The following STK40 variants were observed in gnomAD, a reference collection of about 807,000 sequenced individuals.
STK40 encodes serine/threonine kinase 40.
In STK40, 13 loss-of-function variants were observed where a neutral mutation model predicts 47.9. The observed-to-expected ratio is 0.27, with a 90% CI of 0.18 to 0.43. The LOEUF is 0.43. Among genes scored for constraint, STK40 ranks in the 20% least tolerant of loss-of-function variants. The pLI, the probability that STK40 is intolerant of heterozygous loss-of-function variation, is 1.00. For missense variants in STK40, 460 were observed against 595.1 expected (o/e 0.77, Z 2.36); for synonymous variants, 225 against 243.2 (o/e 0.93, Z 0.69).
chr1:36,341,440 G>C lies in STK40; in HGVS notation c.*315C>G. 1 of 303,218 alleles carries C rather than the reference G, an allele frequency of 3.3e-6. No individual in the cohort carries two copies. The allele number at this position is 303,218 out of a possible 1,614,324, so 18.8% of individuals were successfully genotyped here. On this transcript the variant is annotated 3_prime_UTR_variant, in exon 11 of 11. Transcript: ENST00000373132. ...GAAGGCCCTGGAGTGGGGTGAGCAGGCTCCCTCCTCCCTCTTGCTCAGTCC... is the reference window on the plus strand; with the variant it reads ...GAAGGCCCTGGAGTGGGGTGAGCAGCCTCCCTCCTCCCTCTTGCTCAGTCC...
chr1:36,359,275 G>A (rs1646831849), intron 2 of STK40, among the ~76,000 whole-genome samples: 2 of 152,038 alleles, frequency 1.3e-5, no homozygotes, highest in Non-Finnish European at 2.9e-5. Context: ...GCATGGTGGA[G>A]CATACCTGTA....
At position 36,358,747 on chromosome 1, in the gene STK40, T is replaced by A. The variant is rs139830713; in HGVS notation, c.188A>T (p.Tyr63Phe). The A allele has an allele frequency of 6.2e-7, 1 of 1,614,130 alleles. No individual in the cohort carries two copies. Among genetic ancestry groups the A allele is most frequent in the Non-Finnish European group, 8.5e-7 (1 of 1,179,988 alleles). ...CCATGTCTCACTTACCTTCAGCTGA[T>A]AGAAGTCATCCGTGCCATCTTTCCT... is the stretch of plus-strand genomic sequence containing the variant. ...LARKDGTDDF[Y>F]QLKILTLEER... is the part of the protein sequence containing the mutation. The change falls in exon 3 of 11, where the codon TAT becomes TTT. Residue 63 changes from tyrosine to phenylalanine, a missense_variant. Tyr to Phe is a conservative substitution (Grantham distance 22). This residue lies in a region of STK40 where 277 missense variants were observed against 358.7 expected (regional missense o/e 0.77). Coordinates refer to ENST00000373132, the MANE Select transcript of STK40 (RefSeq NM_001282547.2).
In STK40 at chr1:36,385,900, G is replaced by C. The variant is rs868281963; in HGVS notation, c.-186C>G. 34 of 168,096 alleles carry C rather than the reference G, an allele frequency of 2.0e-4. No homozygotes were observed. Among genetic ancestry groups the C allele is most frequent in the Middle Eastern group, 5.8e-3 (2 of 344 alleles). The allele number at this position is 168,096 out of a possible 1,614,324, so 10.4% of individuals were successfully genotyped here. On this transcript the variant is annotated 5_prime_UTR_variant, in exon 1 of 11. Coordinates refer to ENST00000373132, the MANE Select transcript of STK40 (RefSeq NM_001282547.2). Reference sequence around the variant, plus strand: ...CGCCGCCGCCTCCCTCCATGGCTGCGGCGCCGCCACCTGACAACGGAAGTG... The same window carrying C: ...CGCCGCCGCCTCCCTCCATGGCTGCCGCGCCGCCACCTGACAACGGAAGTG...
chr1:36,376,892 C>G (rs576554213), intron 1 of STK40, among the ~76,000 whole-genome samples: 135 of 151,692 alleles, frequency 8.9e-4, no homozygotes, highest in African/African-American at 3.1e-3. Flanking sequence ...TACTCTGCCT[C>G]AGCCTCCCGA....
intron 1 of STK40, among the ~76,000 whole-genome samples, chr1:36,383,158 G>A (rs1240815584): frequency 6.6e-6 from 1 of 152,174 alleles, no homozygotes; most frequent in African/African-American, 2.4e-5. Flanking sequence ...ATGTTAGACT[G>A]GTCTTGAACT....
intron 1 of STK40, among the ~76,000 whole-genome samples, chr1:36,376,553 C>T (rs368981462): frequency 1.3e-5 from 2 of 151,982 alleles, no homozygotes; most frequent in East Asian, 3.9e-4. Flanking sequence ...TAAAAATCAA[C>T]ACACACACAC....
intron 7 of STK40, among the ~76,000 whole-genome samples, chr1:36,345,554 C>T (rs2124725618): frequency 6.6e-6 from 1 of 152,312 alleles, no homozygotes; most frequent in Admixed American, 6.5e-5. Flanking sequence ...CAAAGAGCAG[C>T]TGCGGTGACT....
chr1:36,344,963 A>C (rs1351596407), intron 7 of STK40, among the ~76,000 whole-genome samples: 2 of 152,252 alleles, frequency 1.3e-5, no homozygotes, highest in African/African-American at 2.4e-5. Context: ...GAGGACACTG[A>C]GGCCCAGTGA....
Position 36,348,808 on chromosome 1 carries a change from G to C in STK40, c.631C>G (p.Arg211Gly). Reference sequence around the variant, plus strand: ...AGGCAGAAGTTGGTGATGGTTATCCGATGTGTCCTAGGAGTGGGAGACAGA... The same window carrying C: ...AGGCAGAAGTTGGTGATGGTTATCCCATGTGTCCTAGGAGTGGGAGACAGA... ...GNMVLNKRTHRITITNFCLGK... is the reference protein window; with the variant it reads ...GNMVLNKRTHGITITNFCLGK... Residue 211 changes from arginine to glycine, a missense_variant, in exon 7 of 11, where the codon CGG (arginine) becomes GGG (glycine). Arg to Gly is a moderately radical substitution (Grantham distance 125). Transcript: ENST00000373132. 1 of 1,603,404 alleles carries C rather than the reference G, an allele frequency of 6.2e-7. No individual in the cohort carries two copies. Among genetic ancestry groups the C allele is most frequent in the Non-Finnish European group, 8.5e-7 (1 of 1,174,536 alleles).
rs903891939 is a variant in STK40, at chr1:36,385,832, C to T, written c.-118G>A. The T allele has an allele frequency of 4.6e-4, 81 of 177,250 alleles. No homozygotes were observed. The highest frequency in any genetic ancestry group is 1.4e-3 in the Admixed American group (22 of 15,526). 11.0% of individuals were successfully genotyped at this position (177,250 alleles called of 1,614,324 possible). A position where few individuals can be genotyped will look rare whatever the true frequency, so the allele number is the denominator to read the frequency against. On this transcript the variant is annotated 5_prime_UTR_variant, in exon 1 of 11. The change abolishes the stop of an existing upstream ORF in the 5' untranslated region. Transcript: ENST00000373132. ...CCGGGCTGGAGGCGTGCGAGCCTCT[C>T]ACCGCCGCCTCCCAGCGCAGCCACC...
intron 1 of STK40, among the ~76,000 whole-genome samples, chr1:36,380,024 T>A (rs1282130486): frequency 6.6e-6 from 1 of 152,152 alleles, no homozygotes; most frequent in Admixed American, 6.5e-5. Flanking sequence ...GTGGGACACA[T>A]CATAGCCACA....
At chr1:36,344,690 T>C (rs1165949534) in intron 7 of STK40, among the ~76,000 whole-genome samples, 2 of 152,134 alleles carry the variant, frequency 1.3e-5, no homozygotes, top group Non-Finnish European at 2.9e-5. Context: ...GCAGGTCCCC[T>C]CCTTTGTCTA....
rs540837276 is a variant in STK40, at chr1:36,358,290, C to T, written c.291G>A (p.Leu97=). The change falls in exon 4 of 11, where the codon CTG becomes CTA. Residue 97 remains leucine, a synonymous_variant. Transcript: ENST00000373132. ...KMLLHTEYSL[L]SLLHTQDGVV... is the part of the protein sequence containing the mutation. Reference sequence around the variant, plus strand: ...CGCCATCCTGCGTGTGCAGGAGAGACAGCAGTGAGTACTCGGTGTGCAGCA... The same window carrying T: ...CGCCATCCTGCGTGTGCAGGAGAGATAGCAGTGAGTACTCGGTGTGCAGCA... 6.2e-6 allele frequency: 10 copies of T among 1,608,822 alleles called. No individual in the cohort carries two copies. The highest frequency in any genetic ancestry group is 8.5e-6 in the Non-Finnish European group (10 of 1,175,592).
At chr1:36,384,531 G>A (rs781158351) in intron 1 of STK40, among the ~76,000 whole-genome samples, 3 of 152,194 alleles carry the variant, frequency 2.0e-5, no homozygotes, top group Non-Finnish European at 2.9e-5. Context: ...TATAGACGAA[G>A]ACACTGAGGC....
intron 7 of STK40, among the ~76,000 whole-genome samples, chr1:36,345,263 C>G (rs1646689704): frequency 6.6e-6 from 1 of 152,196 alleles, no homozygotes; most frequent in Non-Finnish European, 1.5e-5. Flanking sequence ...GCCAGGCACC[C>G]TAGCGTCACC....
chr1:36,345,504 C>G (rs1368331894), intron 7 of STK40, among the ~76,000 whole-genome samples: 1 of 152,174 alleles, frequency 6.6e-6, no homozygotes, highest in Non-Finnish European at 1.5e-5. Context: ...CAAGCTCTTT[C>G]CAGGCTGTGT....
chr1:36,377,273 C>A (rs989788755), intron 1 of STK40, among the ~76,000 whole-genome samples: 1 of 151,822 alleles, frequency 6.6e-6, no homozygotes, highest in Non-Finnish European at 1.5e-5. Context: ...TGGTGGCTCA[C>A]GCCTGTAATC....
At chr1:36,351,222 G>T (rs1030249053) in intron 6 of STK40, among the ~76,000 whole-genome samples, 1 of 152,194 alleles carries the variant, frequency 6.6e-6, no homozygotes, top group Non-Finnish European at 1.5e-5. Context: ...AGAGGATTTC[G>T]AATTTCGATC....
chr1:36,381,506 G>T (rs1473472168), intron 1 of STK40, among the ~76,000 whole-genome samples: 2 of 151,930 alleles, frequency 1.3e-5, no homozygotes, highest in Non-Finnish European at 2.9e-5. Context: ...TTTGAGACAG[G>T]GTCTCACTCT....
Sources: allele counts gnomAD v4.1 joint callset (sites outside exome capture counted in the v4.1 genomes callset), GRCh38; gene constraint gnomAD v4.1.1; regional missense constraint gnomAD v4.1.1; transcripts MANE v1.5; gene names NCBI Gene and HGNC (gene_info 2026-07-23, HGNC 2026-07-21).